UCN3: variants seen among roughly 807,000 people sequenced by gnomAD.
UCN3 encodes the protein urocortin 3.
A neutral mutation model predicts 3.6 loss-of-function variants in UCN3; 3 were observed. The ratio of observed to expected loss-of-function variants is 0.83; its 90% CI spans 0.38 to 2.15. The LOEUF is 2.15. Ranked by LOEUF, UCN3 falls within the 30% of genes most tolerant of loss-of-function variation. The pLI is 0.06. For missense variants in UCN3, 206 were observed against 208.3 expected (o/e 0.99, Z 0.07); for synonymous variants, 100 against 93.2 (o/e 1.07, Z -0.42).
At chr10:5,371,242 A>G (rs1831423621) in intron 1 of UCN3, among the ~76,000 whole-genome samples, 1 of 149,102 alleles carries the variant, frequency 6.7e-6, no homozygotes, top group African/African-American at 2.5e-5. Context: ...ATGCATGTCT[A>G]TATGTATGTG....
rs1228005726 is a variant in UCN3, at chr10:5,370,862, CGTGTGTATGTGT to C, written c.-6-2848_-6-2837del. ...GCGCGTGTGTGTGCGCGTGTGTGTG[CGTGTGTATGTGT>C]GTGTATATGCGTGTGTATATGCGTG... On this transcript the variant is annotated intron_variant, in intron 1 of 1. Coordinates refer to ENST00000380433, the MANE Select transcript of UCN3 (RefSeq NM_053049.4). Among the ~76,000 whole-genome samples the C allele has an allele frequency of 9.7e-4, 44 of 45,382 alleles. 3 individuals are homozygous for C. In the South Asian group the frequency reaches 0.019, roughly 20 times the overall value. The allele number at this position is 45,382 out of a possible 152,430, so 29.8% of individuals were successfully genotyped here.
In UCN3 at chr10:5,369,052, T is replaced by C. The variant is rs148207891; in HGVS notation, c.-7+3822T>C. On this transcript the variant is annotated intron_variant, in intron 1 of 1. Transcript: ENST00000380433. ...TTGGGACGGGGCCCCGCAGGCTGTG[T>C]TTGAACCGCGCCTTCACATGAGTCC... is the stretch of plus-strand genomic sequence containing the variant. Among the ~76,000 whole-genome samples, 723 of 152,260 alleles carry C rather than the reference T, an allele frequency of 4.7e-3. 9 individuals are homozygous for C. Among genetic ancestry groups the C allele is most frequent in the African/African-American group, 0.017 (696 of 41,534 alleles).
chr10:5,370,233 G>A (rs146341451), intron 1 of UCN3, among the ~76,000 whole-genome samples: 1,106 of 6,586 alleles, frequency 0.17, 187 homozygotes, highest in Non-Finnish European at 0.2. Flanking sequence ...GTGCGTGTGT[G>A]TATGCGTGTG....
Position 5,374,346 on chromosome 10 carries a change from A to G in UCN3, c.*140A>G, listed in dbSNP as rs1831475459. 2.5e-6 allele frequency: 2 copies of G among 805,448 alleles called. No homozygotes were observed. Among genetic ancestry groups the G allele is most frequent in the Admixed American group, 2.6e-5 (1 of 38,880 alleles). 49.9% of individuals were successfully genotyped at this position (805,448 alleles called of 1,614,324 possible). ...ATCAGTCAGTTTTACAGGTTGCTGC[A>G]CTGCTGAGCCCCTCTGATCTCTTCT... On this transcript the variant is annotated 3_prime_UTR_variant, in exon 2 of 2. Transcript: ENST00000380433.
intron 1 of UCN3, among the ~76,000 whole-genome samples, chr10:5,370,385 A>ATGTGTGTGTG (rs1298674026): frequency 5.6e-5 from 3 of 53,892 alleles, no homozygotes; most frequent in Non-Finnish European, 9.8e-5. Context: ...ATGCGTGTAT[A>ATGTGTGTGTG]TGCGTGTGTA....
chr10:5,368,645 G>GT (rs1278563804), intron 1 of UCN3, among the ~76,000 whole-genome samples: 1 of 152,020 alleles, frequency 6.6e-6, no homozygotes, highest in Non-Finnish European at 1.5e-5. Context: ...ATTGGTTTTT[G>GT]TTTTTTTAAA....
In UCN3 at chr10:5,367,917, G is replaced by A. The variant is rs1834131388; in HGVS notation, c.-7+2687G>A. Among the ~76,000 whole-genome samples, 2 of 152,286 alleles carry A rather than the reference G, an allele frequency of 1.3e-5. No homozygotes were observed. Among genetic ancestry groups the A allele is most frequent in the South Asian group, 4.1e-4 (2 of 4,830 alleles). ...AGCAAAATAAACAAATGGGGTGGTG[G>A]GGCAGTGGGGAGAGAGCCATGTGGA... On this transcript the variant is annotated intron_variant, in intron 1 of 1. Coordinates refer to ENST00000380433, the MANE Select transcript of UCN3 (RefSeq NM_053049.4). The surrounding 1 kb of genome is among the most constrained non-coding windows in gnomAD (Gnocchi z 4.3).
rs568011491 is a variant in UCN3 at position 5,366,694 on chromosome 10, A to G, written c.-7+1464A>G. On this transcript the variant is annotated intron_variant, in intron 1 of 1. Transcript: ENST00000380433. The surrounding 1 kb of genome is among the most constrained non-coding windows in gnomAD (Gnocchi z 4.2). ...GGTTGCAAAGAACCCTTACATTTTA[A>G]ACGATCTAAAACTAAGCTCAGCACC... Among the ~76,000 whole-genome samples the G allele has an allele frequency of 2.0e-5, 3 of 152,178 alleles. No individual in the cohort carries two copies. The highest frequency in any genetic ancestry group is 4.4e-5 in the Non-Finnish European group (3 of 68,042).
chr10:5,371,698 C>A (rs1271958760), intron 1 of UCN3, among the ~76,000 whole-genome samples: 1 of 152,198 alleles, frequency 6.6e-6, no homozygotes, highest in East Asian at 1.9e-4. Flanking sequence ...CCTGGCCCTG[C>A]TCTGCACTGT....
In UCN3 at chr10:5,370,616, C is replaced by CGTGTATATGCGT. The variant is rs1474365713; in HGVS notation, c.-6-3092_-6-3081dup. 4.6e-3 allele frequency among the ~76,000 whole-genome samples: 99 copies of CGTGTATATGCGT among 21,474 alleles called. 9 individuals are homozygous for CGTGTATATGCGT. The highest frequency in any genetic ancestry group is 0.019 in the African/African-American group (97 of 5,114). The allele number at this position is 21,474 out of a possible 152,430, so 14.1% of individuals were successfully genotyped here. On this transcript the variant is annotated intron_variant, in intron 1 of 1. Coordinates refer to ENST00000380433, the MANE Select transcript of UCN3 (RefSeq NM_053049.4). Reference sequence around the variant, plus strand: ...GTGTGTGTGTATGCGTGTGTATATGCGTGTATATGCGTGTGTATGTGTGTG... The same window carrying CGTGTATATGCGT: ...GTGTGTGTGTATGCGTGTGTATATGCGTGTATATGCGTGTGTATATGCGTGTGTATGTGTGTG...
chr10:5,370,318 T>TGC (rs1365796791), intron 1 of UCN3, among the ~76,000 whole-genome samples: 1 of 76,110 alleles, frequency 1.3e-5, no homozygotes, highest in Admixed American at 1.5e-4. Context: ...TGCGTGTATG[T>TGC]GTGTGTATAT....
rs544370359 is a variant in UCN3, at chr10:5,365,246, G to C, written c.-7+16G>C. ...CCACTCTCGGGTAAGCTTGTGGCTGGGACTGACTTATGAAGGGTAAATGTA... is the reference window on the plus strand; with the variant it reads ...CCACTCTCGGGTAAGCTTGTGGCTGCGACTGACTTATGAAGGGTAAATGTA... On this transcript the variant is annotated intron_variant, in intron 1 of 1. Transcript: ENST00000380433. The surrounding 1 kb of genome is among the most constrained non-coding windows in gnomAD (Gnocchi z 4.4). The C allele has an allele frequency of 6.6e-6, 1 of 152,308 alleles. No homozygotes were observed. The highest frequency in any genetic ancestry group is 6.5e-5 in the Admixed American group (1 of 15,284). The allele number at this position is 152,308 out of a possible 1,614,324, so 9.4% of individuals were successfully genotyped here.
Position 5,370,547 on chromosome 10 carries a change from ATGTGTGTATATG to A in UCN3, c.-6-3155_-6-3144del, listed in dbSNP as rs1246123819. On this transcript the variant is annotated intron_variant, in intron 1 of 1. Coordinates refer to ENST00000380433, the MANE Select transcript of UCN3 (RefSeq NM_053049.4). Reference sequence around the variant, plus strand: ...TATGTGTGTGTGTATATGCGTGTATATGTGTGTATATGTGTGTGTATATGCGTGTATATGTGT... The same window carrying A: ...TATGTGTGTGTGTATATGCGTGTATATGTGTGTATATGCGTGTATATGTGT... Among the ~76,000 whole-genome samples the A allele has an allele frequency of 9.0e-4, 37 of 41,304 alleles. 2 individuals are homozygous for A. The highest frequency in any genetic ancestry group is 0.033 in the Middle Eastern group (1 of 30). 27.1% of individuals were successfully genotyped at this position (41,304 alleles called of 152,430 possible).
intron 1 of UCN3, among the ~76,000 whole-genome samples, chr10:5,370,147 G>C (rs1270352043): frequency 2.7e-5 from 2 of 74,730 alleles, no homozygotes; most frequent in Non-Finnish European, 5.4e-5. Flanking sequence ...GTGTATGCGT[G>C]TGTATATGTG....
rs536255705 is a variant in UCN3 at position 5,365,139 on chromosome 10, G to C, written c.-98G>C. The C allele has an allele frequency of 6.6e-6, 1 of 152,482 alleles. No homozygotes were observed. Among genetic ancestry groups the C allele is most frequent in the South Asian group, 2.1e-4 (1 of 4,834 alleles). The allele number at this position is 152,482 out of a possible 1,614,324, so 9.4% of individuals were successfully genotyped here. A position where few individuals can be genotyped will look rare whatever the true frequency, so the allele number is the denominator to read the frequency against. ...AGCCGAGACCCCGGAGCAGCCACAA[G>C]TTCATGGGGACGTGCACGGGGCCGC... On this transcript the variant is annotated 5_prime_UTR_variant, in exon 1 of 2. Coordinates refer to ENST00000380433, the MANE Select transcript of UCN3 (RefSeq NM_053049.4). This position sits in a 1 kb window ranked among gnomAD's most constrained non-coding sequence, Gnocchi z 4.4.
At chr10:5,370,102 C>CGTGTGTATATGT (rs1230200799) in intron 1 of UCN3, among the ~76,000 whole-genome samples, 4 of 33,292 alleles carry the variant, frequency 1.2e-4, no homozygotes, top group Non-Finnish European at 1.9e-4. Context: ...TGTGTATATG[C>CGTGTGTATATGT]GTGTGTATAT....
chr10:5,370,127 G>A (rs62650859), intron 1 of UCN3, among the ~76,000 whole-genome samples: 3,032 of 59,564 alleles, frequency 0.051, 484 homozygotes, highest in African/African-American at 0.065. Context: ...GTGTATGTGT[G>A]TGTATGTGTG....
In UCN3 at chr10:5,366,678, G is replaced by T. The variant is rs1588397690; in HGVS notation, c.-7+1448G>T. ...TGGTGAAACCATCCAGGGTTGCAAA[G>T]AACCCTTACATTTTAAACGATCTAA... On this transcript the variant is annotated intron_variant, in intron 1 of 1. Transcript: ENST00000380433. This position sits in a 1 kb window ranked among gnomAD's most constrained non-coding sequence, Gnocchi z 4.2. Among the ~76,000 whole-genome samples, 1 of 152,290 alleles carries T rather than the reference G, an allele frequency of 6.6e-6. No individual in the cohort carries two copies. The highest frequency in any genetic ancestry group is 2.4e-5 in the African/African-American group (1 of 41,542).
chr10:5,369,566 T>C (rs1054642327), intron 1 of UCN3, among the ~76,000 whole-genome samples: 1 of 152,236 alleles, frequency 6.6e-6, no homozygotes, highest in Admixed American at 6.5e-5. Context: ...TGTGTCTAAC[T>C]CCAAAGCCTG....
Sources: gnomAD v4.1 joint callset for allele counts (sites outside exome capture counted in the v4.1 genomes callset) on GRCh38, gnomAD v4.1.1 for gene constraint, Gnocchi (gnomAD v3.1) non-coding constraint, MANE v1.5 for transcripts, NCBI Gene and HGNC (gene_info 2026-07-23, HGNC 2026-07-21) for gene names.